Variants in GRIK3 observed in about 807,000 individuals in gnomAD.
GRIK3 encodes glutamate ionotropic receptor kainate type subunit 3.
Under a neutral mutation model 102.5 loss-of-function variants are expected in GRIK3, and 29 were observed. That is an observed-to-expected ratio of 0.28 (90% CI 0.21 to 0.39). The LOEUF (loss-of-function observed/expected upper bound fraction) is 0.39, where lower values mean the gene tolerates loss of function less well. GRIK3 is among the 10% of genes least tolerant of loss of function. The probability of loss-of-function intolerance (pLI) is 1.00; values close to 1 mark genes in which losing one functional copy is unlikely to be tolerated. For synonymous variants in GRIK3, 511 were observed against 504.9 expected (o/e 1.01, Z -0.16); for missense variants, 908 against 1,252.4 (o/e 0.73, Z 4.15).
intron 1 of GRIK3, among the ~76,000 whole-genome samples, chr1:36,963,772 AG>A (rs1448967370): frequency 6.6e-6 from 1 of 152,142 alleles, no homozygotes. Flanking sequence ...CTCAACCCCC[AG>A]CAGCCTCCTG....
chr1:36,912,425 C>T (rs1217272151), intron 1 of GRIK3, among the ~76,000 whole-genome samples: 1 of 151,972 alleles, frequency 6.6e-6, no homozygotes, highest in Non-Finnish European at 1.5e-5. Flanking sequence ...AACAGAACCC[C>T]CCTCCTCCCC....
chr1:37,004,259 G>A (rs1642508819), intron 1 of GRIK3, among the ~76,000 whole-genome samples: 1 of 152,182 alleles, frequency 6.6e-6, no homozygotes, highest in Non-Finnish European at 1.5e-5. Context: ...GAGTCTCAAT[G>A]TCCTTATCTA....
chr1:36,863,870 G>T (rs1640754455), intron 5 of GRIK3, among the ~76,000 whole-genome samples: 1 of 152,156 alleles, frequency 6.6e-6, no homozygotes, highest in Admixed American at 6.5e-5. Flanking sequence ...CAGCTGAGTG[G>T]CTCCTGGGGC....
intron 1 of GRIK3, among the ~76,000 whole-genome samples, chr1:36,993,596 C>G (rs555226902): frequency 6.6e-6 from 1 of 152,232 alleles, no homozygotes; most frequent in East Asian, 1.9e-4. Flanking sequence ...TGCATCCTCA[C>G]GGTGAAGTGA....
chr1:36,972,910 G>A (rs1642159391), intron 1 of GRIK3, among the ~76,000 whole-genome samples: 1 of 152,124 alleles, frequency 6.6e-6, no homozygotes, highest in Non-Finnish European at 1.5e-5. Context: ...TGACACTCAG[G>A]GAAAGCACAT....
At position 36,857,839 on chromosome 1, in the gene GRIK3, T is replaced by C. The variant is rs143692916; in HGVS notation, c.1104+1269A>G. Among the ~76,000 whole-genome samples the C allele has an allele frequency of 7.1e-4, 108 of 152,336 alleles. 1 individual carries two copies. The Middle Eastern group carries it at 0.01, about 14-fold the overall frequency. On this transcript the variant is annotated intron_variant, in intron 7 of 15. Coordinates refer to ENST00000373091, the MANE Select transcript of GRIK3 (RefSeq NM_000831.4). ...TCGTAGAGCTGCCTTTATTTACATA[T>C]GGGATTCTCTCCTTTAGTGCTGTGA...
chr1:36,804,954 C>T (rs751831031), intron 15 of GRIK3, 33 bp downstream of exon 15: 2 of 1,610,220 alleles, frequency 1.2e-6, no homozygotes, highest in South Asian at 1.1e-5. Flanking sequence ...CTCCATTTCC[C>T]ATCCTGTGCA....
chr1:36,893,051 G>C (rs565498674), intron 1 of GRIK3, among the ~76,000 whole-genome samples: 121 of 152,242 alleles, frequency 7.9e-4, no homozygotes, highest in Admixed American at 1.2e-3. Context: ...AATGGCAAAT[G>C]GGTAAGGGGA....
chr1:36,932,027 C>T (rs557956697), intron 1 of GRIK3, among the ~76,000 whole-genome samples: 42 of 152,248 alleles, frequency 2.8e-4, no homozygotes, highest in Middle Eastern at 3.4e-3. Flanking sequence ...CTCACTGTGA[C>T]GGCCTGGATT....
chr1:36,816,237 A>T (rs965517846), intron 13 of GRIK3, among the ~76,000 whole-genome samples: 1 of 152,204 alleles, frequency 6.6e-6, no homozygotes, highest in African/African-American at 2.4e-5. Context: ...AGTAGAAATA[A>T]TTCGAGTACC....
intron 7 of GRIK3, 41 bp from the exon 8 acceptor site, chr1:36,853,763 A>G (rs1207308831): frequency 1.9e-6 from 2 of 1,047,788 alleles, no homozygotes; most frequent in Non-Finnish European, 3.0e-6. Flanking sequence ...CCTCGGGCTT[A>G]TAAATCATCA....
intron 1 of GRIK3, among the ~76,000 whole-genome samples, chr1:36,991,814 G>A (rs1435275369): frequency 6.6e-6 from 1 of 152,242 alleles, no homozygotes; most frequent in East Asian, 1.9e-4. Context: ...GGGTGGTGAA[G>A]AGGGACCAGG....
At chr1:36,987,192 G>C (rs972034621) in intron 1 of GRIK3, among the ~76,000 whole-genome samples, 3 of 151,696 alleles carry the variant, frequency 2.0e-5, no homozygotes, top group Admixed American at 2.0e-4. Context: ...AGTCCATCAG[G>C]TGGGCAGCAC....
intron 1 of GRIK3, among the ~76,000 whole-genome samples, chr1:37,004,894 C>T (rs1642515946): frequency 6.6e-6 from 1 of 152,216 alleles, no homozygotes; most frequent in Non-Finnish European, 1.5e-5. Context: ...GGGACTTGAC[C>T]AGCCCGGCCC....
At chr1:36,827,012 A>G (rs544135218) in intron 10 of GRIK3, among the ~76,000 whole-genome samples, 26 of 152,118 alleles carry the variant, frequency 1.7e-4, no homozygotes, top group African/African-American at 5.8e-4. Flanking sequence ...ACTGTTTAGG[A>G]TGTCCTCTTC....
At chr1:37,033,973 C>T (rs547399002) in intron 1 of GRIK3, 21 bp downstream of exon 1, 2 of 1,462,472 alleles carry the variant, frequency 1.4e-6, no homozygotes, top group South Asian at 2.4e-5. Flanking sequence ...ACGGAGACCC[C>T]CGGCTCCAGG....
intron 1 of GRIK3, among the ~76,000 whole-genome samples, chr1:36,983,667 C>G (rs1455044421): frequency 6.6e-6 from 1 of 152,128 alleles, no homozygotes; most frequent in Non-Finnish European, 1.5e-5. Flanking sequence ...CTATAATACT[C>G]TATCCCATGA....
chr1:36,853,438 T>C (rs1640607733), intron 8 of GRIK3, among the ~76,000 whole-genome samples, 177 bp downstream of exon 8: 1 of 152,128 alleles, frequency 6.6e-6, no homozygotes, highest in Admixed American at 6.5e-5. Flanking sequence ...CAACCAGGCC[T>C]TCTTGTTCTC....
At position 36,880,791 on chromosome 1, in the gene GRIK3, G is replaced by T. The variant is rs766152913; in HGVS notation, c.393C>A (p.Pro131=). ...VQSICNALEV[P]HIQLRWKHHP... ...GGTGCTTCCAACGCAGCTGGATGTG[G>T]GGCACCTCCAGGGCATTGCAGATGG... The change falls in exon 3 of 16, where the codon CCC becomes CCA. Residue 131 remains proline, a synonymous_variant. Coordinates refer to ENST00000373091, the MANE Select transcript of GRIK3 (RefSeq NM_000831.4). The surrounding 1 kb of genome is among the most constrained non-coding windows in gnomAD (Gnocchi z 5.4). 2 of 1,613,950 alleles carry T rather than the reference G, an allele frequency of 1.2e-6. No individual in the cohort carries two copies. Among genetic ancestry groups the T allele is most frequent in the Non-Finnish European group, 1.7e-6 (2 of 1,179,920 alleles).
Sources: allele counts gnomAD v4.1 joint callset (sites outside exome capture counted in the v4.1 genomes callset), GRCh38; gene constraint gnomAD v4.1.1; non-coding constraint Gnocchi (gnomAD v3.1); transcripts MANE v1.5; gene names NCBI Gene and HGNC (gene_info 2026-07-23, HGNC 2026-07-21).